The following SMG1 variants were observed in gnomAD, a reference collection of about 807,000 sequenced individuals.
SMG1 encodes serine/threonine-protein kinase SMG1.
SMG1 carries 22 observed loss-of-function variants against 419.9 expected under a neutral mutation model. The observed-to-expected ratio is 0.05, with a 90% CI of 0.04 to 0.07. The LOEUF (loss-of-function observed/expected upper bound fraction) is 0.07. SMG1 is among the 10% of genes least tolerant of loss of function. The pLI is 1.00. For synonymous variants in SMG1, 1,538 were observed against 1,553.5 expected, an observed-to-expected ratio of 0.99 and a Z score of 0.23; for missense variants, 3,185 against 4,342.0, an observed-to-expected ratio of 0.73 and a Z score of 7.49.
chr16:18,912,267 G>A (rs558498274), intron 1 of SMG1, among the ~76,000 whole-genome samples: 4 of 151,370 alleles, frequency 2.6e-5, no homozygotes, highest in Admixed American at 6.6e-5. Context: ...CAACAGGGTG[G>A]CTATAGTAAA....
chr16:18,852,194 C>T lies in SMG1; in HGVS notation c.4925G>A (p.Gly1642Asp), dbSNP rs1335550950. 1.9e-6 allele frequency: 3 copies of T among 1,613,088 alleles called. No individual in the cohort carries two copies. Among genetic ancestry groups the T allele is most frequent in the Non-Finnish European group, 2.5e-6 (3 of 1,179,670 alleles). ...TTTTTCTCTAGGCAGCAGACGAACACCTTCTCCCTGACTATAAAAATAAAC... is the reference window on the plus strand; with the variant it reads ...TTTTTCTCTAGGCAGCAGACGAACATCTTCTCCCTGACTATAAAAATAAAC... The part of the protein sequence containing the change: ...KVVDNASQGE[G>D]VRLLPREKSE... Residue 1642 changes from glycine to aspartate, a missense_variant, in exon 33 of 63, where the codon GGT becomes GAT. This residue lies in a region of SMG1 where 493 missense variants were observed against 552.9 expected (regional missense o/e 0.89). Coordinates refer to ENST00000446231, the MANE Select transcript of SMG1 (RefSeq NM_015092.5).
chr16:18,860,032 G>A (rs2035131121), intron 26 of SMG1, among the ~76,000 whole-genome samples: 1 of 152,044 alleles, frequency 6.6e-6, no homozygotes, highest in Admixed American at 6.6e-5. Flanking sequence ...GCCTGGCCAA[G>A]ATGGTGAAAC....
Position 18,830,059 on chromosome 16 carries a change from G to A in SMG1, c.9000C>T (p.Ala3000=). The change falls in exon 53 of 63, where the codon GCC becomes GCT. Residue 3000 remains alanine (A), a synonymous_variant. Transcript: ENST00000446231. ...CAAAAAAATTAACTTGAGTACTCCT[G>A]GCTTCCCTTATGATGTCAATCTTTC... ...AWRKIDIIRE[A]RSTQVNFFDD... 6.2e-7 allele frequency: 1 copy of A among 1,604,602 alleles called. No individual in the cohort carries two copies. Among genetic ancestry groups the A allele is most frequent in the South Asian group, 1.1e-5 (1 of 89,490 alleles).
At chr16:18,834,751 C>T (rs956529102) in intron 49 of SMG1, 141 bp downstream of exon 49, 1 of 984,976 alleles carries the variant, frequency 1.0e-6, no homozygotes, top group Non-Finnish European at 1.5e-6. Flanking sequence ...TGTCTCAAAA[C>T]ACAACCAAGA....
At position 18,833,037 on chromosome 16, in the gene SMG1, G is replaced by C. The variant is rs55782217; in HGVS notation, c.8695C>G (p.Pro2899Ala). ...GLIEQTTDGVPLQTLVESLQA... is the reference protein window; with the variant it reads ...GLIEQTTDGVALQTLVESLQA... ...AGAGATTCCACTAGAGTCTGCAGGG[G>C]AACGCCATCGGTGGTCTGCTCAATA... Residue 2899 changes from proline to alanine, a missense_variant, in exon 51 of 63, where the codon CCC (proline) becomes GCC (alanine). Pro to Ala is a conservative substitution (Grantham distance 27). Transcript: ENST00000446231. The C allele has an allele frequency of 8.7e-6, 14 of 1,613,878 alleles. No homozygotes were observed. The highest frequency in any genetic ancestry group is 1.2e-5 in the Non-Finnish European group (14 of 1,179,896).
chr16:18,893,361 G>C (rs1056210140), intron 3 of SMG1, among the ~76,000 whole-genome samples: 2 of 152,134 alleles, frequency 1.3e-5, no homozygotes, highest in Non-Finnish European at 2.9e-5. Flanking sequence ...GGTGGCTCTT[G>C]CCTGTAATTA....
intron 6 of SMG1, among the ~76,000 whole-genome samples, chr16:18,886,041 C>A (rs2036598863): frequency 6.6e-6 from 1 of 152,152 alleles, no homozygotes; most frequent in South Asian, 2.1e-4. Context: ...TTCTCTTCTT[C>A]AATGTTTGTT....
intron 57 of SMG1, 59 bp downstream of exon 57, chr16:18,817,232 T>A (rs543515224): frequency 2.1e-6 from 3 of 1,412,126 alleles, no homozygotes; most frequent in Non-Finnish European, 2.8e-6. Context: ...TATATTAAAT[T>A]GATTTTAATA....
chr16:18,903,823 C>A (rs2037443855), intron 1 of SMG1, among the ~76,000 whole-genome samples: 1 of 152,022 alleles, frequency 6.6e-6, no homozygotes, highest in South Asian at 2.1e-4. Context: ...CCTGCATCTG[C>A]ACATACAGCT....
rs531032616 is a variant in SMG1 at position 18,892,134 on chromosome 16, C to T, written c.549+84G>A. The T allele has an allele frequency of 9.3e-4, 851 of 911,002 alleles. 4 individuals are homozygous for T. The highest frequency in any genetic ancestry group is 1.4e-3 in the Non-Finnish European group (768 of 567,508). 56.4% of individuals were successfully genotyped at this position (911,002 alleles called of 1,614,324 possible). On this transcript the variant is annotated intron_variant, in intron 4 of 62. Transcript: ENST00000446231. ...CGATCATCATAATACAGACTTTCCC[C>T]ATTCTTAAACTACTCAAGGTAGCAT... is the stretch of plus-strand genomic sequence containing the variant.
chr16:18,890,822 A>G (rs1255882529), intron 5 of SMG1, 41 bp downstream of exon 5: 9 of 1,181,396 alleles, frequency 7.6e-6, no homozygotes, highest in South Asian at 7.4e-5. Flanking sequence ...CTAAAAATAT[A>G]TTTTAAAGTC....
intron 1 of SMG1, among the ~76,000 whole-genome samples, chr16:18,923,117 G>T (rs1298651226): frequency 6.6e-6 from 1 of 152,112 alleles, no homozygotes; most frequent in Non-Finnish European, 1.5e-5. Flanking sequence ...GGAGCACAGT[G>T]AATGAAAAGG....
chr16:18,866,124 A>G (rs1385955886), intron 23 of SMG1: 1 of 165,936 alleles, frequency 6.0e-6, no homozygotes, highest in African/African-American at 2.4e-5. Context: ...AAAAGGACAC[A>G]CAACAGAAGT....
At chr16:18,875,068 G>A (rs1175987176) in intron 13 of SMG1, 1 of 152,122 alleles carries the variant, frequency 6.6e-6, no homozygotes, top group Admixed American at 6.6e-5. Context: ...GTCTAAACAC[G>A]AAATTCACTT....
intron 13 of SMG1, 188 bp downstream of exon 13, chr16:18,875,936 G>A (rs2036107140): frequency 1.6e-6 from 1 of 606,798 alleles, no homozygotes; most frequent in African/African-American, 1.9e-5. Flanking sequence ...AAAAGAAGAA[G>A]AAAAGTTAAA....
intron 38 of SMG1, among the ~76,000 whole-genome samples, chr16:18,846,501 CAT>C (rs202119469): frequency 0.013 from 1,962 of 152,234 alleles, 54 homozygotes; most frequent in African/African-American, 0.045. Flanking sequence ...ACCCAGAATA[CAT>C]AGAGAACTCC....
intron 6 of SMG1, among the ~76,000 whole-genome samples, 185 bp from the exon 7 acceptor site, chr16:18,885,851 CA>C (rs1276283660): frequency 3.3e-5 from 5 of 151,740 alleles, no homozygotes; most frequent in African/African-American, 1.2e-4. Context: ...GAGGCTGAGA[CA>C]CAAGAATCGC....
intron 1 of SMG1, among the ~76,000 whole-genome samples, chr16:18,923,812 G>A (rs1474406789): frequency 6.6e-6 from 1 of 152,264 alleles, no homozygotes; most frequent in East Asian, 1.9e-4. Context: ...ATCAAGATCC[G>A]TTCTGTCAGT....
At chr16:18,884,829 A>G in intron 8 of SMG1, 1 of 428,080 alleles carries the variant, frequency 2.3e-6, no homozygotes. Flanking sequence ...CCACTACAAT[A>G]TATTCTTACC....
Sources: allele counts gnomAD v4.1 joint callset (sites outside exome capture counted in the v4.1 genomes callset), GRCh38; gene constraint gnomAD v4.1.1; regional missense constraint gnomAD v4.1.1; transcripts MANE v1.5; gene names NCBI Gene and HGNC (gene_info 2026-07-23, HGNC 2026-07-21).